Variants in KATNA1 observed in about 807,000 individuals in gnomAD.
The protein encoded by KATNA1 is katanin catalytic subunit A1, also known as katanin p60 ATPase-containing subunit A1.
Under a neutral mutation model 62.6 loss-of-function variants are expected in KATNA1, and 42 were observed. That is an observed-to-expected ratio of 0.67 (90% CI 0.52 to 0.87). The LOEUF (loss-of-function observed/expected upper bound fraction) is 0.87. KATNA1 is among the 40% of genes least tolerant of loss of function. The probability of loss-of-function intolerance (pLI) is 0.00; values close to 1 mark genes in which losing one functional copy is unlikely to be tolerated. For synonymous variants in KATNA1, 186 were observed against 201.9 expected (o/e 0.92, Z 0.67); for missense variants, 498 against 612.5 (o/e 0.81, Z 1.97).
chr6:149,604,527 G>A, intron 5 of KATNA1, 134 bp downstream of exon 5: 1 of 910,132 alleles, frequency 1.1e-6, no homozygotes, highest in South Asian at 1.5e-5. Context: ...TGAATGCAGG[G>A]AAGTCATGCT....
chr6:149,634,402 G>T (rs1779989825), intron 2 of KATNA1, among the ~76,000 whole-genome samples: 1 of 152,136 alleles, frequency 6.6e-6, no homozygotes, highest in East Asian at 1.9e-4. Flanking sequence ...GCCCATGCCT[G>T]TAGTCCTGCC....
intron 4 of KATNA1, among the ~76,000 whole-genome samples, chr6:149,618,656 T>C (rs149408765): frequency 6.6e-6 from 1 of 152,036 alleles, no homozygotes; most frequent in South Asian, 2.1e-4. Flanking sequence ...TGGAACAGAA[T>C]AGAGAATCCG....
At chr6:149,627,699 A>T in intron 3 of KATNA1, among the ~76,000 whole-genome samples, 1 of 142,720 alleles carries the variant, frequency 7.0e-6, no homozygotes, top group African/African-American at 2.6e-5. Flanking sequence ...AAGAGAAGGG[A>T]AAGGGGCTAC....
chr6:149,598,410 C>T (rs1201516728), intron 7 of KATNA1, 60 bp from the exon 8 acceptor site: 2 of 1,546,650 alleles, frequency 1.3e-6, no homozygotes, highest in Non-Finnish European at 1.8e-6. Context: ...TTAAAATAAT[C>T]TACAGATTAG....
intron 3 of KATNA1, among the ~76,000 whole-genome samples, chr6:149,627,454 T>C (rs1779657568): frequency 6.8e-6 from 1 of 147,578 alleles, no homozygotes; most frequent in South Asian, 2.1e-4. Flanking sequence ...TAATCCCAGC[T>C]ACTTGGGAGG....
chr6:149,637,998 C>T (rs550940742), intron 2 of KATNA1, among the ~76,000 whole-genome samples: 20 of 152,138 alleles, frequency 1.3e-4, no homozygotes, highest in Non-Finnish European at 2.5e-4. Flanking sequence ...ATTTTTGAGA[C>T]AAGGTCTAGC....
chr6:149,646,520 C>T (rs779582105), intron 1 of KATNA1, among the ~76,000 whole-genome samples: 5 of 152,174 alleles, frequency 3.3e-5, no homozygotes, highest in Admixed American at 6.6e-5. Context: ...AATTTATAGT[C>T]AGCCACTGAT....
At chr6:149,630,961 T>C (rs1779809018) in intron 3 of KATNA1, among the ~76,000 whole-genome samples, 1 of 152,220 alleles carries the variant, frequency 6.6e-6, no homozygotes, top group Admixed American at 6.5e-5. Flanking sequence ...TGGGGAAAAG[T>C]TACCCAACCT....
At chr6:149,614,006 T>C (rs540708770) in intron 4 of KATNA1, among the ~76,000 whole-genome samples, 1 of 152,250 alleles carries the variant, frequency 6.6e-6, no homozygotes, top group South Asian at 2.1e-4. Context: ...CAACTGAACA[T>C]GCCAGCACCC....
chr6:149,617,661 G>A (rs545875175), intron 4 of KATNA1, among the ~76,000 whole-genome samples: 60 of 152,218 alleles, frequency 3.9e-4, no homozygotes, highest in African/African-American at 1.3e-3. Context: ...ATTGCCAGAC[G>A]AGGTGGCTCA....
intron 4 of KATNA1, among the ~76,000 whole-genome samples, chr6:149,614,905 C>T (rs922737489): frequency 1.1e-4 from 16 of 152,016 alleles, no homozygotes; most frequent in African/African-American, 2.9e-4. Flanking sequence ...GGAGGTGAGG[C>T]GGGTGGATCA....
intron 1 of KATNA1, among the ~76,000 whole-genome samples, chr6:149,645,439 T>G (rs1412033798): frequency 1.5e-5 from 2 of 136,080 alleles, no homozygotes; most frequent in Admixed American, 8.2e-5. Flanking sequence ...CAAGACTCCA[T>G]CTCAAAAAAC....
chr6:149,611,052 A>C (rs1232258777), intron 4 of KATNA1, among the ~76,000 whole-genome samples: 1 of 152,248 alleles, frequency 6.6e-6, no homozygotes, highest in Non-Finnish European at 1.5e-5. Context: ...ACTGTACTCC[A>C]GCCCAGGCAA....
chr6:149,612,411 A>C (rs1433607578), intron 4 of KATNA1, among the ~76,000 whole-genome samples: 2 of 152,068 alleles, frequency 1.3e-5, no homozygotes, highest in Non-Finnish European at 2.9e-5. Context: ...CGTGAAGCTG[A>C]AGCACGAGAA....
intron 4 of KATNA1, among the ~76,000 whole-genome samples, chr6:149,616,927 A>G (rs1043265807): frequency 1.3e-5 from 2 of 152,236 alleles, no homozygotes; most frequent in Non-Finnish European, 2.9e-5. Flanking sequence ...CAACAAATGA[A>G]TGATAAACAA....
intron 7 of KATNA1, 111 bp downstream of exon 7, chr6:149,601,483 C>G: frequency 1.1e-6 from 1 of 907,200 alleles, no homozygotes; most frequent in Non-Finnish European, 1.6e-6. Context: ...GACTCATACT[C>G]TGGGCAAAAT....
At chr6:149,632,330 G>A (rs1291025169) in intron 3 of KATNA1, among the ~76,000 whole-genome samples, 6 of 150,360 alleles carry the variant, frequency 4.0e-5, no homozygotes, top group East Asian at 3.9e-4. Context: ...AGCCGAGATC[G>A]TGCCACTGCA....
chr6:149,594,956 T>C lies in KATNA1; in HGVS notation c.*80A>G. On this transcript the variant is annotated 3_prime_UTR_variant, in exon 11 of 11. Transcript: ENST00000367411. Reference sequence around the variant, plus strand: ...TTACCATTATGAAAGTTAAAAAAAATATAGCACTCAGTACAATGAATTACT... The same window carrying C: ...TTACCATTATGAAAGTTAAAAAAAACATAGCACTCAGTACAATGAATTACT... The C allele has an allele frequency of 9.3e-7, 1 of 1,077,374 alleles. No individual in the cohort carries two copies. Among genetic ancestry groups the C allele is most frequent in the South Asian group, 1.6e-5 (1 of 62,886 alleles). The allele number at this position is 1,077,374 out of a possible 1,614,324, so 66.7% of individuals were successfully genotyped here. A position where few individuals can be genotyped will look rare whatever the true frequency, so the allele number is the denominator to read the frequency against.
intron 6 of KATNA1, among the ~76,000 whole-genome samples, chr6:149,602,458 T>G (rs902290142): frequency 6.6e-6 from 1 of 152,182 alleles, no homozygotes; most frequent in Non-Finnish European, 1.5e-5. Flanking sequence ...TAAAGGATTT[T>G]TACAACTATT....
Sources: allele counts gnomAD v4.1 joint callset (sites outside exome capture counted in the v4.1 genomes callset), GRCh38; gene constraint gnomAD v4.1.1; transcripts MANE v1.5; gene names NCBI Gene and HGNC (gene_info 2026-07-23, HGNC 2026-07-21).